DPP10: variants seen among roughly 807,000 people sequenced by gnomAD.
The protein encoded by DPP10 is dipeptidyl peptidase like 10.
A neutral mutation model predicts 120.9 loss-of-function variants in DPP10; 33 were observed. The ratio of observed to expected loss-of-function variants is 0.27; its 90% confidence interval spans 0.21 to 0.37. The LOEUF is 0.37. DPP10 is among the 10% of genes least tolerant of loss of function. The pLI is 1.00. For missense variants in DPP10, 816 were observed against 942.8 expected (o/e 0.87, Z 1.76); for synonymous variants, 337 against 326.1 (o/e 1.03, Z -0.36).
chr2:114,536,408 C>CTTTTTTTTTTTTTTTTTTTTT (rs70937287), intron 1 of DPP10, among the ~76,000 whole-genome samples: 3 of 128,732 alleles, frequency 2.3e-5, no homozygotes, highest in Non-Finnish European at 4.8e-5. Context: ...TTTTCTTTTT[C>CTTTTTTTTTTTTTTTTTTTTT]TTTTTTTTTT....
intron 3 of DPP10, among the ~76,000 whole-genome samples, chr2:115,427,039 A>C (rs965101532): frequency 6.6e-6 from 1 of 152,258 alleles, no homozygotes; most frequent in Non-Finnish European, 1.5e-5. Context: ...TGCAAGTTCA[A>C]AACACAGCAG....
intron 1 of DPP10, among the ~76,000 whole-genome samples, chr2:114,930,795 C>A (rs527727245): frequency 6.6e-6 from 1 of 152,206 alleles, no homozygotes; most frequent in East Asian, 1.9e-4. Context: ...CTGTTGTTTG[C>A]GGAGATCACA....
chr2:114,493,430 G>A (rs980301298), intron 1 of DPP10, among the ~76,000 whole-genome samples: 7 of 152,100 alleles, frequency 4.6e-5, no homozygotes, highest in African/African-American at 9.7e-5. Flanking sequence ...AGCAGGTGGC[G>A]TCACACAGCA....
chr2:115,575,135 A>G lies in DPP10; in HGVS notation c.441+49163A>G, dbSNP rs562762905. ...TTAAGAACACAATCAGTTATTTTAG[A>G]AAGGTAAGATTGATACCAACATGAA... On this transcript the variant is annotated intron_variant, in intron 5 of 25. Coordinates refer to ENST00000410059, the MANE Select transcript of DPP10 (RefSeq NM_020868.6). 3.0e-4 allele frequency among the ~76,000 whole-genome samples: 46 copies of G among 152,282 alleles called. No homozygotes were observed. In the East Asian group the frequency reaches 8.3e-3, roughly 28 times the overall value.
At chr2:114,831,534 G>A (rs928492209) in intron 1 of DPP10, among the ~76,000 whole-genome samples, 2 of 152,186 alleles carry the variant, frequency 1.3e-5, no homozygotes, top group African/African-American at 4.8e-5. Flanking sequence ...TACAGGCATT[G>A]AGTGTCCCTA....
At chr2:115,385,364 T>TC (rs945598880) in intron 3 of DPP10, among the ~76,000 whole-genome samples, 2 of 151,756 alleles carry the variant, frequency 1.3e-5, no homozygotes, top group African/African-American at 2.4e-5. Context: ...TTTTTTTTTT[T>TC]TTTAAATCAA....
At chr2:114,985,504 T>G (rs1700342047) in intron 1 of DPP10, among the ~76,000 whole-genome samples, 1 of 152,192 alleles carries the variant, frequency 6.6e-6, no homozygotes, top group Non-Finnish European at 1.5e-5. Flanking sequence ...TCATTTGAAG[T>G]GTGCACCCTA....
intron 1 of DPP10, among the ~76,000 whole-genome samples, chr2:115,089,555 A>G (rs555400514): frequency 2.0e-5 from 3 of 152,300 alleles, no homozygotes; most frequent in African/African-American, 7.2e-5. Flanking sequence ...CAAATAAAAT[A>G]ATAATAATAG....
At chr2:115,193,337 C>T (rs984235072) in intron 1 of DPP10, among the ~76,000 whole-genome samples, 1 of 152,010 alleles carries the variant, frequency 6.6e-6, no homozygotes, top group African/African-American at 2.4e-5. Context: ...GATAACAGTT[C>T]TTTTCCAAAG....
At chr2:115,341,871 T>G (rs908659287) in intron 2 of DPP10, among the ~76,000 whole-genome samples, 2 of 152,210 alleles carry the variant, frequency 1.3e-5, no homozygotes, top group Non-Finnish European at 1.5e-5. Context: ...TGCTTCCAAA[T>G]TTTGGCAATT....
intron 19 of DPP10, among the ~76,000 whole-genome samples, chr2:115,803,851 G>T (rs1365351318): frequency 6.6e-6 from 1 of 152,058 alleles, no homozygotes; most frequent in African/African-American, 2.4e-5. Flanking sequence ...TTTCTCTCTG[G>T]CTGCCCTTAA....
At chr2:115,670,136 C>T (rs932800376) in intron 5 of DPP10, among the ~76,000 whole-genome samples, 1 of 152,044 alleles carries the variant, frequency 6.6e-6, no homozygotes, top group African/African-American at 2.4e-5. Context: ...AATAAGCACA[C>T]TTTCTTGTTT....
At chr2:114,872,877 A>C (rs1340861265) in intron 1 of DPP10, among the ~76,000 whole-genome samples, 1 of 152,204 alleles carries the variant, frequency 6.6e-6, no homozygotes, top group East Asian at 1.9e-4. Flanking sequence ...AGGGTCCTAC[A>C]TAAATTACAC....
intron 5 of DPP10, among the ~76,000 whole-genome samples, chr2:115,578,696 G>A (rs544212384): frequency 7.1e-4 from 108 of 152,294 alleles, no homozygotes; most frequent in Middle Eastern, 6.8e-3. Context: ...TGTTTTATTG[G>A]TCCATTTAAT....
rs535986990 is a variant in DPP10, at chr2:115,162,072, C to T, written c.61-147167C>T. 4.5e-4 allele frequency: 656 copies of T among 1,473,244 alleles called. 8 individuals carry two copies. In the South Asian group the frequency reaches 8.4e-3, roughly 19 times the overall value. The allele number at this position is 1,473,244 out of a possible 1,614,324, so 91.3% of individuals were successfully genotyped here. On this transcript the variant is annotated intron_variant, in intron 1 of 25. Coordinates refer to ENST00000410059, the MANE Select transcript of DPP10 (RefSeq NM_020868.6). The stretch of plus-strand genomic sequence containing the variant: ...GGCCAGGCCCTCCCGGGAGGGGTGG[C>T]TCCAGTGCGCGCTCCGCCCGCCTCC...
chr2:114,600,300 C>T (rs1213902467), intron 1 of DPP10, among the ~76,000 whole-genome samples: 1 of 151,584 alleles, frequency 6.6e-6, no homozygotes, highest in African/African-American at 2.4e-5. Context: ...CTGTAATATC[C>T]CATTTTCTGT....
chr2:114,978,521 A>G (rs1699891001), intron 1 of DPP10, among the ~76,000 whole-genome samples: 1 of 152,160 alleles, frequency 6.6e-6, no homozygotes, highest in Non-Finnish European at 1.5e-5. Flanking sequence ...GGGATTCTCA[A>G]GAATCTCAGG....
At chr2:114,684,633 A>G (rs1017741504) in intron 1 of DPP10, among the ~76,000 whole-genome samples, 2 of 151,914 alleles carry the variant, frequency 1.3e-5, no homozygotes, top group African/African-American at 2.4e-5. Context: ...TGAAAAGCTG[A>G]GCCCTGTGCT....
chr2:115,525,407 T>A (rs1278614228), intron 4 of DPP10, among the ~76,000 whole-genome samples: 2 of 152,180 alleles, frequency 1.3e-5, no homozygotes, highest in Non-Finnish European at 2.9e-5. Context: ...TGTGTTTTAA[T>A]CTGTTTCACC....
Sources: gnomAD v4.1 joint callset for allele counts (sites outside exome capture counted in the v4.1 genomes callset) on GRCh38, gnomAD v4.1.1 for gene constraint, MANE v1.5 for transcripts, NCBI Gene and HGNC (gene_info 2026-07-23, HGNC 2026-07-21) for gene names.